The following WWOX variants were observed in gnomAD, a reference collection of about 807,000 sequenced individuals.
The protein encoded by WWOX is WW domain containing oxidoreductase.
A neutral mutation model predicts 46.2 loss-of-function variants in WWOX; 69 were observed. The ratio of observed to expected loss-of-function variants is 1.49; its 90% CI spans 1.23 to 1.82. The LOEUF (loss-of-function observed/expected upper bound fraction) is 1.82. WWOX is among the 40% of genes most tolerant of loss of function. WWOX has a pLI of 0.00. For synonymous variants in WWOX, 359 were observed against 202.6 expected (o/e 1.77, Z -6.56); for missense variants, 919 against 542.6 (o/e 1.69, Z -6.89).
At chr16:78,772,467 A>C (rs994611499) in intron 8 of WWOX, among the ~76,000 whole-genome samples, 1 of 152,068 alleles carries the variant, frequency 6.6e-6, no homozygotes, top group Non-Finnish European at 1.5e-5. Context: ...GGTTGATTCC[A>C]GTAGACGTGT....
chr16:78,408,146 C>A (rs2082593462), intron 6 of WWOX, among the ~76,000 whole-genome samples: 1 of 152,186 alleles, frequency 6.6e-6, no homozygotes. Context: ...GAAAGCCAAG[C>A]TACAAGTTAA....
At chr16:78,580,901 A>C (rs565759277) in intron 8 of WWOX, among the ~76,000 whole-genome samples, 1 of 152,334 alleles carries the variant, frequency 6.6e-6, no homozygotes, top group Non-Finnish European at 1.5e-5. Flanking sequence ...CCCAGGTGGT[A>C]ATTTCTGGTC....
At chr16:78,500,653 G>C (rs1448739478) in intron 8 of WWOX, among the ~76,000 whole-genome samples, 4 of 152,144 alleles carry the variant, frequency 2.6e-5, no homozygotes, top group African/African-American at 9.7e-5. Flanking sequence ...CTTAGCTTGG[G>C]TATCATCGTG....
At chr16:78,529,913 C>G (rs140655287) in intron 8 of WWOX, among the ~76,000 whole-genome samples, 1,735 of 152,288 alleles carry the variant, frequency 0.011, 28 homozygotes, top group Middle Eastern at 0.044. Flanking sequence ...TTACAAATCT[C>G]CTGAAGAGTC....
chr16:79,118,735 C>T (rs7205313), intron 8 of WWOX, among the ~76,000 whole-genome samples: 13,978 of 152,204 alleles, frequency 0.092, 1,185 homozygotes, highest in African/African-American at 0.23. Context: ...CTTTTTACCA[C>T]GTGTTGTGTT....
At chr16:78,273,603 T>C (rs949023442) in intron 5 of WWOX, among the ~76,000 whole-genome samples, 5 of 152,154 alleles carry the variant, frequency 3.3e-5, no homozygotes, top group Non-Finnish European at 7.4e-5. Context: ...GGAGACCTGC[T>C]GGGAAACAAC....
At position 78,432,512 on chromosome 16, in the gene WWOX, G is replaced by C. The variant is rs186745328; in HGVS notation, c.816G>C (p.Leu272Phe). The change falls in exon 8 of 9, where the codon TTG becomes TTC. Residue 272 changes from leucine (L) to phenylalanine (F), a missense_variant. Physicochemically the swap from Leu to Phe is conservative, Grantham distance 22. Transcript: ENST00000566780. ...GATTTACAGATATTAACGACTCCTT[G>C]GGAAAACTGGACTTCAGTCGCCTCT... ...SHRFTDINDS[L>F]GKLDFSRLSP... 1.2e-6 allele frequency: 2 copies of C among 1,613,996 alleles called. No individual in the cohort carries two copies. The highest frequency in any genetic ancestry group is 1.7e-5 in the Admixed American group (1 of 59,984).
Position 78,843,430 on chromosome 16 carries a change from G to A in WWOX, c.1057-368178G>A, listed in dbSNP as rs889082689. ...TCGCCCATTCCTATGCTGCTAAGAT[G>A]CGAATGCCCAGCTCAGGGGATGAGA... is the stretch of plus-strand genomic sequence containing the variant. On this transcript the variant is annotated intron_variant, in intron 8 of 8. Transcript: ENST00000566780. 2.0e-5 allele frequency among the ~76,000 whole-genome samples: 3 copies of A among 149,856 alleles called. No individual in the cohort carries two copies. In the Admixed American group the frequency reaches 2.0e-4, roughly 10 times the overall value.
At chr16:79,097,747 G>A (rs890618823) in intron 8 of WWOX, among the ~76,000 whole-genome samples, 1 of 152,136 alleles carries the variant, frequency 6.6e-6, no homozygotes, top group Non-Finnish European at 1.5e-5. Flanking sequence ...TAGGGAAGGC[G>A]ATCATGTTGG....
intron 8 of WWOX, among the ~76,000 whole-genome samples, chr16:78,908,941 T>A (rs1490792604): frequency 6.6e-6 from 1 of 152,230 alleles, no homozygotes; most frequent in Non-Finnish European, 1.5e-5. Context: ...TCCTAAACCC[T>A]AATTTCTAAT....
At chr16:78,403,787 A>G (rs1252329664) in intron 6 of WWOX, among the ~76,000 whole-genome samples, 1 of 152,222 alleles carries the variant, frequency 6.6e-6, no homozygotes, top group Non-Finnish European at 1.5e-5. Flanking sequence ...GGCATTGTCA[A>G]GTAATTTACT....
intron 5 of WWOX, among the ~76,000 whole-genome samples, chr16:78,173,282 A>T (rs2035221885): frequency 6.6e-6 from 1 of 151,740 alleles, no homozygotes; most frequent in African/African-American, 2.4e-5. Flanking sequence ...AAATCTGGTC[A>T]TCTCTCTCTC....
chr16:78,593,028 C>A (rs1377261778), intron 8 of WWOX, among the ~76,000 whole-genome samples: 1 of 152,180 alleles, frequency 6.6e-6, no homozygotes, highest in African/African-American at 2.4e-5. Context: ...AAAGTACAGC[C>A]TTCAGTCCTA....
chr16:78,690,880 C>G (rs1452299724), intron 8 of WWOX, among the ~76,000 whole-genome samples: 1 of 152,190 alleles, frequency 6.6e-6, no homozygotes, highest in Non-Finnish European at 1.5e-5. Context: ...AGCACCGTAT[C>G]AATACCTGGG....
chr16:78,837,001 A>G (rs757077330), intron 8 of WWOX, among the ~76,000 whole-genome samples: 1 of 152,224 alleles, frequency 6.6e-6, no homozygotes, highest in Non-Finnish European at 1.5e-5. Flanking sequence ...TCTCTAGAAC[A>G]TAGAAGCCGC....
intron 5 of WWOX, among the ~76,000 whole-genome samples, chr16:78,367,140 C>T (rs1007295895): frequency 7.9e-5 from 12 of 151,984 alleles, no homozygotes; most frequent in South Asian, 6.3e-4. Context: ...CCACCACGCC[C>T]GGCTAATTTT....
intron 8 of WWOX, among the ~76,000 whole-genome samples, chr16:78,676,182 T>A (rs568146020): frequency 6.6e-6 from 1 of 151,932 alleles, no homozygotes; most frequent in South Asian, 2.1e-4. Flanking sequence ...CTCTATAGCT[T>A]GCTGTCTTGT....
At chr16:78,519,275 G>A (rs2043299987) in intron 8 of WWOX, among the ~76,000 whole-genome samples, 1 of 152,046 alleles carries the variant, frequency 6.6e-6, no homozygotes, top group South Asian at 2.1e-4. Context: ...AACCCAATGA[G>A]GGCCACAGAG....
intron 8 of WWOX, among the ~76,000 whole-genome samples, chr16:78,761,719 T>A (rs1490416086): frequency 6.6e-6 from 1 of 152,222 alleles, no homozygotes; most frequent in Non-Finnish European, 1.5e-5. Context: ...TTTGTGGCAC[T>A]ACAAGGTCCT....
Sources: allele counts gnomAD v4.1 joint callset (sites outside exome capture counted in the v4.1 genomes callset), GRCh38; gene constraint gnomAD v4.1.1; transcripts MANE v1.5; gene names NCBI Gene and HGNC (gene_info 2026-07-23, HGNC 2026-07-21).